Variants in THEMIS observed in about 807,000 individuals in gnomAD.
THEMIS encodes the protein thymocyte selection associated.
Under a neutral mutation model 52.6 loss-of-function variants are expected in THEMIS, and 37 were observed. That is an observed-to-expected ratio of 0.70 (90% CI 0.54 to 0.93). The LOEUF (loss-of-function observed/expected upper bound fraction) is 0.93, where lower values mean the gene tolerates loss of function less well. THEMIS is among the 40% of genes least tolerant of loss of function. The probability of loss-of-function intolerance (pLI) is 0.00; values close to 1 mark genes in which losing one functional copy is unlikely to be tolerated. For synonymous variants in THEMIS, 292 were observed against 272.7 expected, an observed-to-expected ratio of 1.07 and a Z score of -0.70; for missense variants, 808 against 763.1, an observed-to-expected ratio of 1.06 and a Z score of -0.69.
chr6:127,869,817 C>T (rs1442860086), intron 1 of THEMIS, among the ~76,000 whole-genome samples: 2 of 152,126 alleles, frequency 1.3e-5, no homozygotes, highest in Non-Finnish European at 2.9e-5. Context: ...CAACAGAAAA[C>T]CTGTTAAGCA....
rs1456640213 is a variant in THEMIS, at chr6:127,907,841, AT to A, written c.-149-6761del. 3.4e-3 allele frequency among the ~76,000 whole-genome samples: 515 copies of A among 151,606 alleles called. 18 individuals are homozygous for A. In the East Asian group the frequency reaches 0.077, roughly 23 times the overall value. On this transcript the variant is annotated intron_variant, in intron 1 of 6. Coordinates refer to the THEMIS transcript ENST00000368250. ...ATATGTACATTCTTCTTTTTATTTTATTTTATTTTATTTTTTTGAGATGGAA... is the reference window on the plus strand; with the variant it reads ...ATATGTACATTCTTCTTTTTATTTTATTTATTTTATTTTTTTGAGATGGAA...
At chr6:127,888,030 G>C (rs1190121835) in intron 1 of THEMIS, among the ~76,000 whole-genome samples, 1 of 152,048 alleles carries the variant, frequency 6.6e-6, no homozygotes, top group Non-Finnish European at 1.5e-5. Flanking sequence ...AGAGGCAGCT[G>C]GGGTAAACCT....
At chr6:127,734,693 AC>A (rs1175464062) in intron 4 of THEMIS, among the ~76,000 whole-genome samples, 1 of 151,040 alleles carries the variant, frequency 6.6e-6, no homozygotes, top group Non-Finnish European at 1.5e-5. Context: ...ACATGGTGAA[AC>A]CCCCTCTCTA....
At chr6:127,747,283 G>C (rs968128696) in intron 4 of THEMIS, among the ~76,000 whole-genome samples, 6 of 138,552 alleles carry the variant, frequency 4.3e-5, no homozygotes. Flanking sequence ...ATTACATATA[G>C]AGATATCTAT....
intron 2 of THEMIS, among the ~76,000 whole-genome samples, chr6:127,854,260 T>C (rs765723611): frequency 1.1e-4 from 16 of 151,832 alleles, no homozygotes; most frequent in Admixed American, 2.0e-4. Context: ...CATTGGTTTA[T>C]GTATTATCCA....
intron 1 of THEMIS, among the ~76,000 whole-genome samples, chr6:127,895,963 CA>C (rs536508615): frequency 6.7e-6 from 1 of 149,208 alleles, no homozygotes; most frequent in Non-Finnish European, 1.5e-5. Flanking sequence ...AACATTCTAA[CA>C]AAAAAAAATA....
intron 1 of THEMIS, among the ~76,000 whole-genome samples, chr6:127,912,525 A>G (rs746865861): frequency 3.3e-5 from 5 of 152,200 alleles, no homozygotes; most frequent in Non-Finnish European, 5.9e-5. Context: ...TCTGAGTCAC[A>G]TATGTAGGCT....
intron 4 of THEMIS, among the ~76,000 whole-genome samples, chr6:127,811,539 A>G (rs1473167971): frequency 6.6e-6 from 1 of 152,242 alleles, no homozygotes; most frequent in African/African-American, 2.4e-5. Context: ...AATCCAAGAT[A>G]ATCTCATCTT....
chr6:127,737,878 C>T (rs1775061170), intron 4 of THEMIS, among the ~76,000 whole-genome samples: 2 of 152,154 alleles, frequency 1.3e-5, no homozygotes, highest in Admixed American at 1.3e-4. Flanking sequence ...TTTTTCAAGA[C>T]AGGAATTCAC....
intron 2 of THEMIS, among the ~76,000 whole-genome samples, chr6:127,841,221 GA>G (rs1779038169): frequency 1.3e-5 from 2 of 151,944 alleles, no homozygotes. Context: ...GAAGTATAGG[GA>G]AACTCTGCTT....
At chr6:127,785,079 C>T (rs572465187) in intron 4 of THEMIS, among the ~76,000 whole-genome samples, 1 of 151,976 alleles carries the variant, frequency 6.6e-6, no homozygotes, top group South Asian at 2.1e-4. Flanking sequence ...TACCTATCAT[C>T]TATCTACCTA....
At position 127,829,484 on chromosome 6, in the gene THEMIS, A is replaced by G; in HGVS notation, c.701T>C (p.Val234Ala). The change falls in exon 3 of 6, where the codon GTG becomes GCG. Residue 234 changes from valine to alanine, a missense_variant. Coordinates refer to ENST00000368248, the MANE Select transcript of THEMIS (RefSeq NM_001010923.3). ...TCTCAGTGGATACTCACATTTCATC[A>G]CACCTTGAATTTCATAAACAGGCTT... ...ILKPVYEIQG[V>A]MKFRKDIIRI... The G allele has an allele frequency of 5.6e-6, 9 of 1,600,322 alleles. No homozygotes were observed. Among genetic ancestry groups the G allele is most frequent in the Non-Finnish European group, 7.7e-6 (9 of 1,174,098 alleles).
intron 4 of THEMIS, among the ~76,000 whole-genome samples, chr6:127,727,798 C>T (rs112243913): frequency 0.019 from 2,908 of 152,122 alleles, 47 homozygotes; most frequent in Non-Finnish European, 0.029. Context: ...TGAATAGGTG[C>T]CCCACATAGG....
intron 4 of THEMIS, among the ~76,000 whole-genome samples, chr6:127,793,100 G>A (rs1039213002): frequency 5.3e-5 from 8 of 152,046 alleles, no homozygotes; most frequent in Non-Finnish European, 1.0e-4. Context: ...ATATTTGTTC[G>A]AAAACAAATT....
At chr6:127,791,352 C>T (rs947649409) in intron 4 of THEMIS, among the ~76,000 whole-genome samples, 32 of 152,242 alleles carry the variant, frequency 2.1e-4, no homozygotes, top group Middle Eastern at 3.4e-3. Context: ...CTGATTGTCC[C>T]GTTGTCCACT....
intron 4 of THEMIS, among the ~76,000 whole-genome samples, chr6:127,778,363 C>T (rs1776633345): frequency 6.6e-6 from 1 of 152,060 alleles, no homozygotes; most frequent in South Asian, 2.1e-4. Flanking sequence ...AATCAACGAA[C>T]ATCTGTTTCC....
At chr6:127,827,224 G>T (rs1019528722) in intron 3 of THEMIS, among the ~76,000 whole-genome samples, 1 of 152,030 alleles carries the variant, frequency 6.6e-6, no homozygotes, top group Non-Finnish European at 1.5e-5. Context: ...TCAAAACATG[G>T]TCTACATTTT....
intron 3 of THEMIS, among the ~76,000 whole-genome samples, chr6:127,821,340 G>A (rs1778334246): frequency 6.6e-6 from 1 of 151,910 alleles, no homozygotes; most frequent in Non-Finnish European, 1.5e-5. Flanking sequence ...AGATAAGAAG[G>A]CAACACCTGA....
At position 127,813,497 on chromosome 6, in the gene THEMIS, A is replaced by G. The variant is rs1408607264; in HGVS notation, c.1144T>C (p.Ser382Pro). 3 of 1,613,976 alleles carry G rather than the reference A, an allele frequency of 1.9e-6. No individual in the cohort carries two copies. In the East Asian group the frequency reaches 6.7e-5, roughly 36 times the overall value. ...AFHSPHDKLSSVSVGDQFLVH... is the reference protein window; with the variant it reads ...AFHSPHDKLSPVSVGDQFLVH... ...AGAAACTGGTCCCCAACAGATACGG[A>G]TGACAGCTTGTCATGAGGGGAATGA... Residue 382 changes from serine (S) to proline (P), a missense_variant, in exon 4 of 6, where the codon TCC becomes CCC. Coordinates refer to ENST00000368248, the MANE Select transcript of THEMIS (RefSeq NM_001010923.3).
Sources: allele counts gnomAD v4.1 joint callset (sites outside exome capture counted in the v4.1 genomes callset), GRCh38; gene constraint gnomAD v4.1.1; transcripts MANE v1.5; gene names NCBI Gene and HGNC (gene_info 2026-07-23, HGNC 2026-07-21).